IGF1R: variants seen among roughly 807,000 people sequenced by gnomAD.
IGF1R encodes the protein insulin like growth factor 1 receptor, also known as insulin-like growth factor 1 receptor.
Under a neutral mutation model 144.6 loss-of-function variants are expected in IGF1R, and 44 were observed. The observed-to-expected ratio is 0.30, with a 90% CI of 0.24 to 0.39. The LOEUF (loss-of-function observed/expected upper bound fraction) is 0.39, where lower values mean the gene tolerates loss of function less well. Ranked by LOEUF, IGF1R falls within the 10% of genes least tolerant of loss-of-function variation. IGF1R has a pLI of 1.00. For synonymous variants in IGF1R, 795 were observed against 722.8 expected (o/e 1.10, Z -1.60); for missense variants, 1,355 against 1,833.7 (o/e 0.74, Z 4.77).
chr15:98,810,630 G>A (rs1295094636), intron 2 of IGF1R, among the ~76,000 whole-genome samples: 2 of 151,528 alleles, frequency 1.3e-5, no homozygotes, highest in Non-Finnish European at 2.9e-5. Context: ...CTCACTGCAG[G>A]CTCCGCCTCC....
intron 17 of IGF1R, among the ~76,000 whole-genome samples, chr15:98,938,794 G>A (rs919536727): frequency 6.6e-6 from 1 of 152,134 alleles, no homozygotes; most frequent in Admixed American, 6.5e-5. Context: ...CCTTTGTAAC[G>A]TGCTCTCCTT....
At chr15:98,827,859 G>T (rs985098404) in intron 2 of IGF1R, among the ~76,000 whole-genome samples, 19 of 152,192 alleles carry the variant, frequency 1.2e-4, no homozygotes, top group African/African-American at 4.3e-4. Context: ...GGGATTACAG[G>T]CATGAGCCAC....
chr15:98,859,939 G>T (rs2012053289), intron 2 of IGF1R, among the ~76,000 whole-genome samples: 1 of 152,080 alleles, frequency 6.6e-6, no homozygotes, highest in African/African-American at 2.4e-5. Context: ...CTTTTGAGAT[G>T]GAGTCTTGCT....
intron 2 of IGF1R, among the ~76,000 whole-genome samples, chr15:98,825,749 A>G (rs2056883625): frequency 6.6e-6 from 1 of 152,220 alleles, no homozygotes; most frequent in South Asian, 2.1e-4. Context: ...TACAATGTAA[A>G]TAGTTGTTAT....
chr15:98,961,977 T>C lies in IGF1R; in HGVS notation c.*4535T>C, dbSNP rs557431640. On this transcript the variant is annotated 3_prime_UTR_variant, in exon 21 of 21. Coordinates refer to ENST00000650285, the MANE Select transcript of IGF1R (RefSeq NM_000875.5). ...GCGAGATGCTCGGTGCACATTGGGGTGCTTTGGGATAAAAGATTTATGAGC... is the reference window on the plus strand; with the variant it reads ...GCGAGATGCTCGGTGCACATTGGGGCGCTTTGGGATAAAAGATTTATGAGC... 5 of 233,186 alleles carry C rather than the reference T, an allele frequency of 2.1e-5. No individual in the cohort carries two copies. The highest frequency in any genetic ancestry group is 3.4e-5 in the Non-Finnish European group (4 of 118,074). 14.4% of individuals were successfully genotyped at this position (233,186 alleles called of 1,614,324 possible). A position where few individuals can be genotyped will look rare whatever the true frequency, so the allele number is the denominator to read the frequency against.
chr15:98,712,856 G>A (rs933241646), intron 2 of IGF1R, among the ~76,000 whole-genome samples: 3 of 149,552 alleles, frequency 2.0e-5, no homozygotes, highest in African/African-American at 7.4e-5. Flanking sequence ...GCGATCCACC[G>A]GTCTTGGCCT....
intron 19 of IGF1R, among the ~76,000 whole-genome samples, chr15:98,947,018 A>C (rs762403104): frequency 1.6e-4 from 25 of 152,208 alleles, no homozygotes; most frequent in Non-Finnish European, 3.2e-4. Context: ...TACTACTGCC[A>C]CTGGCATCTG....
In IGF1R at chr15:98,962,878, C is replaced by CGTCAGTT. The variant is rs1364527364; in HGVS notation, c.*5444_*5450dup. 1 of 233,700 alleles carries CGTCAGTT rather than the reference C, an allele frequency of 4.3e-6. No homozygotes were observed. 14.5% of individuals were successfully genotyped at this position (233,700 alleles called of 1,614,324 possible). ...TCAAGAACACAAACTACATCGCACT[C>CGTCAGTT]GTCAGTTGTCAGTTCTGGGGCATGA... On this transcript the variant is annotated 3_prime_UTR_variant, in exon 21 of 21. Coordinates refer to ENST00000650285, the MANE Select transcript of IGF1R (RefSeq NM_000875.5).
chr15:98,705,750 A>C (rs2053846465), intron 1 of IGF1R, among the ~76,000 whole-genome samples: 2 of 152,130 alleles, frequency 1.3e-5, no homozygotes, highest in Admixed American at 6.5e-5. Context: ...TCCGTCCTGC[A>C]CTGGGCCACC....
intron 2 of IGF1R, among the ~76,000 whole-genome samples, chr15:98,751,649 C>G (rs1006125337): frequency 2.6e-5 from 4 of 152,138 alleles, no homozygotes; most frequent in African/African-American, 9.7e-5. Flanking sequence ...CAAATTATCT[C>G]CCTACAATAC....
intron 2 of IGF1R, among the ~76,000 whole-genome samples, chr15:98,758,689 G>A (rs773143190): frequency 1.3e-5 from 2 of 152,182 alleles, no homozygotes; most frequent in African/African-American, 2.4e-5. Context: ...AACTGTACCC[G>A]CTCTCTGTTT....
chr15:98,705,919 T>C (rs535741152), intron 1 of IGF1R, among the ~76,000 whole-genome samples: 1 of 152,248 alleles, frequency 6.6e-6, no homozygotes, highest in Non-Finnish European at 1.5e-5. Context: ...CTCTTCACCC[T>C]GACCATCAGA....
At chr15:98,672,942 C>G (rs1567068374) in intron 1 of IGF1R, among the ~76,000 whole-genome samples, 2 of 152,164 alleles carry the variant, frequency 1.3e-5, no homozygotes, top group Non-Finnish European at 2.9e-5. Context: ...AGTAAGTCTT[C>G]TTTGGAGACA....
chr15:98,913,777 A>G (rs1178955683), intron 8 of IGF1R, among the ~76,000 whole-genome samples: 1 of 152,220 alleles, frequency 6.6e-6, no homozygotes, highest in Non-Finnish European at 1.5e-5. Flanking sequence ...ACTGATGATG[A>G]GGTTCCTCCT....
rs556735110 is a variant in IGF1R, at chr15:98,963,457, G to A, written c.*6015G>A. ...ACTGGTCATTTCCCTTTGGAGTGTAGCTACTTTAACAGATGGAAAGAACCT... is the reference window on the plus strand; with the variant it reads ...ACTGGTCATTTCCCTTTGGAGTGTAACTACTTTAACAGATGGAAAGAACCT... On this transcript the variant is annotated 3_prime_UTR_variant, in exon 21 of 21. Coordinates refer to ENST00000650285, the MANE Select transcript of IGF1R (RefSeq NM_000875.5). The A allele has an allele frequency of 4.3e-6, 1 of 233,262 alleles. No homozygotes were observed. The highest frequency in any genetic ancestry group is 2.2e-5 in the African/African-American group (1 of 45,452). The allele number at this position is 233,262 out of a possible 1,614,324, so 14.4% of individuals were successfully genotyped here.
chr15:98,925,178 C>T lies in IGF1R; in HGVS notation c.2782+494C>T, dbSNP rs935196518. Among the ~76,000 whole-genome samples, 7 of 152,104 alleles carry T rather than the reference C, an allele frequency of 4.6e-5. No individual in the cohort carries two copies. In the East Asian group the frequency reaches 1.4e-3, roughly 29 times the overall value. ...GGCAGGAATCTCCACGGTAGCATCG[C>T]AGACCCTCCACTGTCCTTTTAAAGT... On this transcript the variant is annotated intron_variant, in intron 13 of 20. Transcript: ENST00000650285.
intron 1 of IGF1R, among the ~76,000 whole-genome samples, chr15:98,676,935 A>C (rs1475778111): frequency 6.6e-6 from 1 of 151,970 alleles, no homozygotes; most frequent in Admixed American, 6.6e-5. Flanking sequence ...CAATTAAAAA[A>C]AATTTTTTTT....
intron 2 of IGF1R, among the ~76,000 whole-genome samples, chr15:98,761,184 G>A (rs571595047): frequency 6.6e-6 from 1 of 152,324 alleles, no homozygotes; most frequent in Non-Finnish European, 1.5e-5. Context: ...AGAGTCTGCA[G>A]GGGCACTGTG....
At chr15:98,821,082 T>A (rs2056792987) in intron 2 of IGF1R, 1 of 152,136 alleles carries the variant, frequency 6.6e-6, no homozygotes, top group African/African-American at 2.4e-5. Context: ...TACAAGAAGG[T>A]TAAGTAGATG....
Sources: allele counts gnomAD v4.1 joint callset (sites outside exome capture counted in the v4.1 genomes callset), GRCh38; gene constraint gnomAD v4.1.1; transcripts MANE v1.5; gene names NCBI Gene and HGNC (gene_info 2026-07-23, HGNC 2026-07-21).